The following TEX14 variants were observed in gnomAD, a reference collection of about 807,000 sequenced individuals.
The protein encoded by TEX14 is testis expressed 14, intercellular bridge forming factor.
Under a neutral mutation model 178.6 loss-of-function variants are expected in TEX14, and 168 were observed. The observed-to-expected ratio is 0.94, with a 90% CI of 0.83 to 1.07. The LOEUF (loss-of-function observed/expected upper bound fraction) is 1.07, where lower values mean the gene tolerates loss of function less well. TEX14 is among the 50% of genes least tolerant of loss of function. The pLI is 0.00. For synonymous variants in TEX14, 626 were observed against 634.1 expected (o/e 0.99, Z 0.19); for missense variants, 1,730 against 1,753.6 (o/e 0.99, Z 0.24).
chr17:58,608,460 T>C (rs1264216145), intron 10 of TEX14, among the ~76,000 whole-genome samples: 2 of 149,858 alleles, frequency 1.3e-5, no homozygotes, highest in Non-Finnish European at 3.0e-5. Context: ...CATGTGCCTG[T>C]AGTCCCAGCT....
intron 13 of TEX14, 26 bp downstream of exon 13, chr17:58,601,780 A>C: frequency 6.2e-7 from 1 of 1,605,878 alleles, no homozygotes; most frequent in South Asian, 1.1e-5. Context: ...TGTCAAACTA[A>C]CACAACCTGT....
chr17:58,589,313 A>G (rs2045063038), intron 15 of TEX14, among the ~76,000 whole-genome samples: 1 of 151,884 alleles, frequency 6.6e-6, no homozygotes, highest in South Asian at 2.1e-4. Flanking sequence ...CTGTAATCCC[A>G]GCACTTTGGG....
At chr17:58,645,126 C>A (rs1011230811) in intron 2 of TEX14, among the ~76,000 whole-genome samples, 11 of 150,714 alleles carry the variant, frequency 7.3e-5, no homozygotes, top group African/African-American at 2.7e-4. Context: ...GCTAGGACTA[C>A]AGGCCCACGC....
rs749994851 is a variant in TEX14 at position 58,602,450 on chromosome 17, G to A, written c.1477C>T (p.Arg493Ter). The change falls in exon 12 of 32, where the codon CGA becomes TGA. Residue 493 changes from arginine (R) to a stop codon, truncating the protein, a stop_gained. Transcript: ENST00000349033. LOFTEE classifies it high-confidence loss of function. ...CGGATATCTTGAAGGTTCATAGTTCGGTCTTTCTGCTTGACGTGGATGCCT... is the reference window on the plus strand; with the variant it reads ...CGGATATCTTGAAGGTTCATAGTTCAGTCTTTCTGCTTGACGTGGATGCCT... ...KSGIHVKQKD[R>*]TMNLQDIRYI... The A allele has an allele frequency of 4.1e-5, 66 of 1,613,750 alleles. No individual in the cohort carries two copies. The highest frequency in any genetic ancestry group is 5.4e-5 in the Non-Finnish European group (64 of 1,179,972).
chr17:58,560,888 G>A (rs2044260026), intron 29 of TEX14, among the ~76,000 whole-genome samples: 1 of 152,164 alleles, frequency 6.6e-6, no homozygotes, highest in Admixed American at 6.5e-5. Context: ...GACCTTTTCA[G>A]CACTTCATCA....
At chr17:58,663,001 G>T (rs1156279700) in intron 1 of TEX14, among the ~76,000 whole-genome samples, 1 of 151,860 alleles carries the variant, frequency 6.6e-6, no homozygotes, top group Non-Finnish European at 1.5e-5. Flanking sequence ...CCAGCCACTC[G>T]GAGAGGCTGA....
chr17:58,671,768 T>G (rs2143479754), intron 1 of TEX14, among the ~76,000 whole-genome samples: 1 of 152,300 alleles, frequency 6.6e-6, no homozygotes, highest in Admixed American at 6.5e-5. Context: ...TTTCTCACCA[T>G]TTTACATGTT....
chr17:58,661,683 C>G, intron 1 of TEX14: 1 of 605,386 alleles, frequency 1.7e-6, no homozygotes, highest in Non-Finnish European at 2.9e-6. Flanking sequence ...AACAACCAGT[C>G]TGAATCGGGC....
chr17:58,643,059 G>T (rs2046611484), intron 2 of TEX14, among the ~76,000 whole-genome samples: 1 of 152,166 alleles, frequency 6.6e-6, no homozygotes, highest in African/African-American at 2.4e-5. Context: ...CCAGCACATT[G>T]CCTGGCACAG....
chr17:58,600,430 G>A (rs1177367918), intron 13 of TEX14, among the ~76,000 whole-genome samples: 8 of 151,916 alleles, frequency 5.3e-5, no homozygotes, highest in Admixed American at 4.6e-4. Flanking sequence ...GCATGGTGGT[G>A]CATGCCTGTA....
chr17:58,572,270 AAACAAAC>A, intron 23 of TEX14, 144 bp from the exon 24 acceptor site: 1 of 606,448 alleles, frequency 1.6e-6, no homozygotes. Flanking sequence ...ACAAACAAAC[AAACAAAC>A]AAACAAAACA....
At chr17:58,685,996 C>T (rs1482678077) in intron 1 of TEX14, among the ~76,000 whole-genome samples, 1 of 82,656 alleles carries the variant, frequency 1.2e-5, no homozygotes, top group Non-Finnish European at 2.2e-5. Context: ...CTCTGTCTCA[C>T]AAAAAAAAAA....
chr17:58,662,615 G>C (rs1598428494), intron 1 of TEX14, among the ~76,000 whole-genome samples: 1 of 152,118 alleles, frequency 6.6e-6, no homozygotes, highest in Non-Finnish European at 1.5e-5. Flanking sequence ...GATCATGGCT[G>C]TTCCTGCCAA....
intron 10 of TEX14, among the ~76,000 whole-genome samples, chr17:58,610,390 C>T (rs2045715696): frequency 6.6e-6 from 1 of 152,204 alleles, no homozygotes; most frequent in African/African-American, 2.4e-5. Context: ...CAGTAACATA[C>T]CCATTTCAGA....
intron 1 of TEX14, among the ~76,000 whole-genome samples, chr17:58,669,401 A>G (rs184356569): frequency 6.6e-6 from 1 of 151,560 alleles, no homozygotes; most frequent in African/African-American, 2.4e-5. Context: ...GGAGTTTGTC[A>G]TATTTGCTGA....
At chr17:58,592,995 AAT>A (rs1202459125) in intron 15 of TEX14, among the ~76,000 whole-genome samples, 1 of 152,060 alleles carries the variant, frequency 6.6e-6, no homozygotes, top group East Asian at 1.9e-4. Context: ...TATATGTATG[AAT>A]ATATTATATA....
At chr17:58,631,708 C>T (rs1301660165) in intron 2 of TEX14, 17 of 151,098 alleles carry the variant, frequency 1.1e-4, no homozygotes, top group Admixed American at 7.9e-4. Context: ...AATAACGCAA[C>T]ACCAAACACT....
At chr17:58,600,436 C>T (rs781732814) in intron 13 of TEX14, among the ~76,000 whole-genome samples, 17 of 151,842 alleles carry the variant, frequency 1.1e-4, no homozygotes, top group Non-Finnish European at 2.1e-4. Flanking sequence ...TGGTGCATGC[C>T]TGTAGTCTCA....
At chr17:58,691,138 G>A (rs2047706425) in intron 1 of TEX14, among the ~76,000 whole-genome samples, 1 of 151,938 alleles carries the variant, frequency 6.6e-6, no homozygotes, top group Non-Finnish European at 1.5e-5. Flanking sequence ...TTACAGGCAC[G>A]AGCCACTGCG....
Sources: allele counts gnomAD v4.1 joint callset (sites outside exome capture counted in the v4.1 genomes callset), GRCh38; gene constraint gnomAD v4.1.1; transcripts MANE v1.5; gene names NCBI Gene and HGNC (gene_info 2026-07-23, HGNC 2026-07-21).